The following TMCO1 variants were observed in gnomAD, a reference collection of about 807,000 sequenced individuals.
The protein encoded by TMCO1 is calcium load-activated calcium channel.
TMCO1 carries 29 observed loss-of-function variants against 29.3 expected under a neutral mutation model. The observed-to-expected ratio is 0.99, with a 90% CI of 0.74 to 1.35. The LOEUF (loss-of-function observed/expected upper bound fraction) is 1.35, where lower values mean the gene tolerates loss of function less well. TMCO1 is among the 40% of genes most tolerant of loss of function. The pLI, the probability that TMCO1 is intolerant of heterozygous loss-of-function variation, is 0.00. For missense variants in TMCO1, 173 were observed against 225.5 expected, an observed-to-expected ratio of 0.77 and a Z score of 1.49; for synonymous variants, 80 against 77.1, an observed-to-expected ratio of 1.04 and a Z score of -0.20.
intron 5 of TMCO1, among the ~76,000 whole-genome samples, chr1:165,747,675 A>AG (rs1234929583): frequency 6.6e-6 from 1 of 152,228 alleles, no homozygotes; most frequent in Non-Finnish European, 1.5e-5. Context: ...AGCCAGGGTA[A>AG]GGAGTCTGAC....
At chr1:165,728,357 C>T (rs567462875) in intron 6 of TMCO1, among the ~76,000 whole-genome samples, 8 of 151,610 alleles carry the variant, frequency 5.3e-5, no homozygotes, top group South Asian at 2.1e-4. Context: ...CCCAGGTTCA[C>T]GTCATTCTCC....
At chr1:165,738,969 G>C (rs1440201852) in intron 6 of TMCO1, among the ~76,000 whole-genome samples, 2 of 152,118 alleles carry the variant, frequency 1.3e-5, no homozygotes, top group Non-Finnish European at 2.9e-5. Context: ...CAGAGAGAAG[G>C]CACTCTCTAT....
chr1:165,737,558 T>A (rs143411394), intron 6 of TMCO1, among the ~76,000 whole-genome samples: 30 of 152,210 alleles, frequency 2.0e-4, no homozygotes, highest in African/African-American at 6.7e-4. Flanking sequence ...CACATCACAG[T>A]CAAATTTCTG....
intron 6 of TMCO1, among the ~76,000 whole-genome samples, chr1:165,738,763 G>A (rs1651480315): frequency 6.6e-6 from 1 of 152,120 alleles, no homozygotes; most frequent in Admixed American, 6.5e-5. Context: ...GACTATTTTT[G>A]TTTTTAGAAT....
chr1:165,747,394 G>T (rs1651841034), intron 5 of TMCO1, among the ~76,000 whole-genome samples: 1 of 151,874 alleles, frequency 6.6e-6, no homozygotes, highest in Admixed American at 6.6e-5. Flanking sequence ...AAATAGACTT[G>T]GCAGAAATAC....
intron 5 of TMCO1, among the ~76,000 whole-genome samples, chr1:165,745,014 T>A (rs1558035073): frequency 6.6e-6 from 1 of 151,728 alleles, no homozygotes. Flanking sequence ...TTTAAGAGTG[T>A]AAGGGATATT....
At chr1:165,745,474 CAAAAAAAAAAA>C (rs570579214) in intron 5 of TMCO1, among the ~76,000 whole-genome samples, 2 of 101,356 alleles carry the variant, frequency 2.0e-5, no homozygotes, top group African/African-American at 7.8e-5. Context: ...CTATCTCTAC[CAAAAAAAAAAA>C]AAAAAAAAAA....
Position 165,728,092 on chromosome 1 carries a change from A to G in TMCO1, c.498T>C (p.Pro166=). The G allele has an allele frequency of 6.2e-7, 1 of 1,608,732 alleles. No homozygotes were observed. Among genetic ancestry groups the G allele is most frequent in the Non-Finnish European group, 8.5e-7 (1 of 1,176,524 alleles). The change falls in exon 7 of 7, where the codon CCT becomes CCC. Residue 166 remains proline (P), a synonymous_variant. Coordinates refer to ENST00000367881, the MANE Select transcript of TMCO1 (RefSeq NM_019026.6). The stretch of plus-strand genomic sequence containing the variant: ...CTGCCTGCTTGGTGGCGGCTCGTGA[A>G]GGGGCAAGGCCGAGAATCTTCTGAA... ...QNIQKILGLA[P]SRAATKQAGG...
At chr1:165,739,799 C>A (rs1411264645) in intron 6 of TMCO1, among the ~76,000 whole-genome samples, 1 of 151,776 alleles carries the variant, frequency 6.6e-6, no homozygotes, top group Non-Finnish European at 1.5e-5. Context: ...AGTAAAGTAA[C>A]AAAATCTGCC....
At chr1:165,731,570 T>C (rs1299756038) in intron 6 of TMCO1, among the ~76,000 whole-genome samples, 1 of 152,220 alleles carries the variant, frequency 6.6e-6, no homozygotes, top group Non-Finnish European at 1.5e-5. Context: ...ATGCCCTTTA[T>C]AGGTTTACCG....
intron 2 of TMCO1, among the ~76,000 whole-genome samples, chr1:165,760,570 G>A (rs1239060715): frequency 3.9e-5 from 6 of 152,148 alleles, no homozygotes; most frequent in Non-Finnish European, 8.8e-5. Flanking sequence ...TTGGAAGGCC[G>A]AGGTGGGCAG....
intron 6 of TMCO1, among the ~76,000 whole-genome samples, chr1:165,739,858 C>A (rs1468807774): frequency 1.3e-5 from 2 of 151,990 alleles, no homozygotes; most frequent in Non-Finnish European, 2.9e-5. Context: ...CGCCTGTAAT[C>A]CCAGAAATTT....
At chr1:165,746,867 T>C (rs1414982008) in intron 5 of TMCO1, among the ~76,000 whole-genome samples, 2 of 152,210 alleles carry the variant, frequency 1.3e-5, no homozygotes, top group Non-Finnish European at 2.9e-5. Context: ...ATGACAATAT[T>C]ATTTGTCTGA....
chr1:165,728,260 CTT>C (rs397967679), intron 6 of TMCO1, 139 bp from the exon 7 acceptor site: 1,429 of 454,156 alleles, frequency 3.1e-3, no homozygotes, highest in Admixed American at 3.7e-3. Context: ...ATGATTATCA[CTT>C]TTTTTTTTTT....
At chr1:165,729,066 C>G (rs999633497) in intron 6 of TMCO1, among the ~76,000 whole-genome samples, 9 of 140,428 alleles carry the variant, frequency 6.4e-5, no homozygotes, top group African/African-American at 2.4e-4. Context: ...GACTGCACCA[C>G]TGCATTCCAG....
At chr1:165,731,437 T>A (rs906001250) in intron 6 of TMCO1, among the ~76,000 whole-genome samples, 1 of 152,208 alleles carries the variant, frequency 6.6e-6, no homozygotes, top group Non-Finnish European at 1.5e-5. Flanking sequence ...ATTTGTCTAG[T>A]TAACAAATAC....
downstream of TMCO1, chr1:165,724,944 G>A (rs945293448): frequency 9.1e-5 from 41 of 451,698 alleles, no homozygotes; most frequent in East Asian, 7.7e-4. Flanking sequence ...GATAATTGTC[G>A]AAGGTGGAGG....
At chr1:165,743,916 A>G (rs982786734) in intron 5 of TMCO1, among the ~76,000 whole-genome samples, 1 of 150,258 alleles carries the variant, frequency 6.7e-6, no homozygotes, top group African/African-American at 2.5e-5. Context: ...GCCAGAGTGC[A>G]GTGTCGCCGT....
At chr1:165,753,472 C>CAAAAAA (rs35980344) in intron 4 of TMCO1, among the ~76,000 whole-genome samples, 5 of 47,764 alleles carry the variant, frequency 1.0e-4, no homozygotes, top group Admixed American at 3.2e-4. Context: ...GACTCTGTCT[C>CAAAAAA]AAAAAAAAAA....
Sources: gnomAD v4.1 joint callset for allele counts (sites outside exome capture counted in the v4.1 genomes callset) on GRCh38, gnomAD v4.1.1 for gene constraint, MANE v1.5 for transcripts, NCBI Gene and HGNC (gene_info 2026-07-23, HGNC 2026-07-21) for gene names.